Variants in NCKAP5 observed in about 807,000 individuals in gnomAD.
The protein encoded by NCKAP5 is NCK associated protein 5.
In NCKAP5, 92 loss-of-function variants were observed where a neutral mutation model predicts 167.0. The observed-to-expected ratio is 0.55, with a 90% CI of 0.47 to 0.66. NCKAP5 has a LOEUF of 0.66. Ranked by LOEUF, NCKAP5 falls within the 30% of genes least tolerant of loss-of-function variation. The pLI, the probability that NCKAP5 is intolerant of heterozygous loss-of-function variation, is 0.00. For missense variants in NCKAP5, 2,378 were observed against 2,315.0 expected (o/e 1.03, Z -0.56); for synonymous variants, 891 against 877.4 (o/e 1.02, Z -0.27).
chr2:133,152,118 C>T (rs1357806496), intron 5 of NCKAP5, among the ~76,000 whole-genome samples: 1 of 152,190 alleles, frequency 6.6e-6, no homozygotes, highest in Non-Finnish European at 1.5e-5. Flanking sequence ...GGGTAGCTCT[C>T]TGCCTTCCCT....
At chr2:132,927,250 T>A (rs1222582752) in intron 8 of NCKAP5, among the ~76,000 whole-genome samples, 1 of 152,200 alleles carries the variant, frequency 6.6e-6, no homozygotes, top group Non-Finnish European at 1.5e-5. Flanking sequence ...AGAAGTGCCA[T>A]GCTGTATTGG....
At chr2:132,794,259 TATATAGAGAGAG>T (rs1284859738) in intron 12 of NCKAP5, among the ~76,000 whole-genome samples, 112 of 31,688 alleles carry the variant, frequency 3.5e-3, no homozygotes, top group East Asian at 0.032. Context: ...TATATATATA[TATATAGAGAGAG>T]AGAGAGAGAG....
rs976314910 is a variant in NCKAP5, at chr2:133,218,186, T to A, written c.144-4407A>T. Among the ~76,000 whole-genome samples the A allele has an allele frequency of 5.3e-5, 8 of 152,162 alleles. No individual in the cohort carries two copies. The East Asian group carries it at 1.5e-3, about 29-fold the overall frequency. On this transcript the variant is annotated intron_variant, in intron 4 of 19. Coordinates refer to ENST00000409261, the MANE Select transcript of NCKAP5 (RefSeq NM_207363.3). ...ATTTATTAAATCACCAAAAAGCCAA[T>A]AAACCCATGCCAACATAAGTAAAAC...
At chr2:133,376,034 C>A (rs1314351718) in intron 3 of NCKAP5, among the ~76,000 whole-genome samples, 1 of 151,982 alleles carries the variant, frequency 6.6e-6, no homozygotes, top group African/African-American at 2.4e-5. Flanking sequence ...GCTAGGTGTA[C>A]AGGAAACAAA....
intron 11 of NCKAP5, among the ~76,000 whole-genome samples, chr2:132,841,391 A>G (rs1688284809): frequency 6.6e-6 from 1 of 152,142 alleles, no homozygotes; most frequent in East Asian, 1.9e-4. Flanking sequence ...TTTCAATCCA[A>G]TGAGTTAACC....
intron 16 of NCKAP5, among the ~76,000 whole-genome samples, chr2:132,749,794 C>G (rs1489128732): frequency 6.6e-6 from 1 of 152,042 alleles, no homozygotes; most frequent in Non-Finnish European, 1.5e-5. Context: ...AGTGTTTCAA[C>G]TAGAGTTCTG....
intron 8 of NCKAP5, among the ~76,000 whole-genome samples, chr2:132,923,557 G>T (rs1402637371): frequency 1.3e-5 from 2 of 152,160 alleles, no homozygotes; most frequent in African/African-American, 2.4e-5. Flanking sequence ...GAACAAACTA[G>T]AAATGTTTTC....
At chr2:132,998,889 G>T (rs1328614820) in intron 6 of NCKAP5, among the ~76,000 whole-genome samples, 1 of 152,076 alleles carries the variant, frequency 6.6e-6, no homozygotes, top group African/African-American at 2.4e-5. Context: ...ATAGCTGGTT[G>T]CAATTTATCC....
At chr2:133,003,751 A>C (rs2077865596) in intron 6 of NCKAP5, among the ~76,000 whole-genome samples, 1 of 152,242 alleles carries the variant, frequency 6.6e-6, no homozygotes, top group African/African-American at 2.4e-5. Flanking sequence ...CACAGAAACC[A>C]CAGCACTCTA....
chr2:133,408,378 T>C (rs1479867395), intron 3 of NCKAP5, among the ~76,000 whole-genome samples: 2 of 152,212 alleles, frequency 1.3e-5, no homozygotes, highest in Admixed American at 6.5e-5. Context: ...CCGAATGTTG[T>C]TCCATAGTAT....
At chr2:132,732,332 G>A (rs544521293) in intron 16 of NCKAP5, among the ~76,000 whole-genome samples, 25 of 151,996 alleles carry the variant, frequency 1.6e-4, no homozygotes, top group Non-Finnish European at 3.5e-4. Flanking sequence ...TATACCTAAT[G>A]TAAATGTCAA....
chr2:133,284,091 G>A (rs971792791), intron 4 of NCKAP5, among the ~76,000 whole-genome samples: 17 of 151,976 alleles, frequency 1.1e-4, no homozygotes, highest in East Asian at 5.8e-4. Context: ...TGAGTCCAGG[G>A]TTACTCTTGT....
intron 16 of NCKAP5, among the ~76,000 whole-genome samples, chr2:132,753,017 A>G (rs1309268645): frequency 6.6e-6 from 1 of 152,216 alleles, no homozygotes; most frequent in African/African-American, 2.4e-5. Flanking sequence ...CCACATAAGA[A>G]GGCACCATCT....
intron 6 of NCKAP5, among the ~76,000 whole-genome samples, chr2:133,014,193 T>C (rs1573742612): frequency 6.6e-6 from 1 of 152,236 alleles, no homozygotes; most frequent in South Asian, 2.1e-4. Flanking sequence ...AGCAAGGCAT[T>C]TGAAACACAT....
chr2:133,433,545 G>A (rs1690291510), intron 3 of NCKAP5: 1 of 152,182 alleles, frequency 6.6e-6, no homozygotes, highest in Non-Finnish European at 1.5e-5. Flanking sequence ...AAGAATTAGT[G>A]AGTTATTTTG....
chr2:133,367,082 C>T (rs1685497779), intron 3 of NCKAP5, among the ~76,000 whole-genome samples: 1 of 152,118 alleles, frequency 6.6e-6, no homozygotes, highest in South Asian at 2.1e-4. Flanking sequence ...TTTTTAAATG[C>T]TAAATGTGAG....
intron 3 of NCKAP5, among the ~76,000 whole-genome samples, chr2:133,389,707 A>C (rs1412102539): frequency 6.6e-6 from 1 of 152,220 alleles, no homozygotes; most frequent in African/African-American, 2.4e-5. Context: ...TACGAAGTAT[A>C]ATCTTGGCTT....
intron 2 of NCKAP5, among the ~76,000 whole-genome samples, chr2:133,541,886 G>A (rs1686255211): frequency 6.6e-6 from 1 of 152,038 alleles, no homozygotes; most frequent in Non-Finnish European, 1.5e-5. Context: ...ACTAGGCTGA[G>A]GAGGAAGCTG....
At chr2:132,759,042 G>A (rs1230719650) in intron 16 of NCKAP5, among the ~76,000 whole-genome samples, 4 of 151,762 alleles carry the variant, frequency 2.6e-5, no homozygotes, top group Non-Finnish European at 5.9e-5. Flanking sequence ...TTTGCTGTTT[G>A]TTCCTTCTTA....
Sources: gnomAD v4.1 joint callset for allele counts (sites outside exome capture counted in the v4.1 genomes callset) on GRCh38, gnomAD v4.1.1 for gene constraint, MANE v1.5 for transcripts, NCBI Gene and HGNC (gene_info 2026-07-23, HGNC 2026-07-21) for gene names.